The following DYNLRB2 variants were observed in gnomAD, a reference collection of about 807,000 sequenced individuals.
DYNLRB2 encodes the protein dynein light chain roadblock-type 2.
Under a neutral mutation model 12.6 loss-of-function variants are expected in DYNLRB2, and 14 were observed. The observed-to-expected ratio is 1.11, with a 90% CI of 0.73 to 1.73. DYNLRB2 has a LOEUF of 1.73. Among genes scored for constraint, DYNLRB2 ranks in the 40% most tolerant of loss-of-function variants. The probability of loss-of-function intolerance (pLI) is 0.00; values close to 1 mark genes in which losing one functional copy is unlikely to be tolerated. For missense variants in DYNLRB2, 142 were observed against 117.7 expected (o/e 1.21, Z -0.95); for synonymous variants, 53 against 37.0 (o/e 1.43, Z -1.57).
rs906706212 is a variant in DYNLRB2, at chr16:80,542,396, A to G, written c.4-880A>G. Among the ~76,000 whole-genome samples the G allele has an allele frequency of 2.0e-5, 3 of 152,200 alleles. 1 individual carries two copies. The highest frequency in any genetic ancestry group is 4.1e-4 in the South Asian group (2 of 4,826). ...TTGGCTCTGATGCTGAAATAGAGAA[A>G]ATAAGTGCTCCTGCCCATACCAAGT... On this transcript the variant is annotated intron_variant, in intron 1 of 3. Coordinates refer to ENST00000305904, the MANE Select transcript of DYNLRB2 (RefSeq NM_130897.3).
intron 2 of DYNLRB2, chr16:80,549,025 A>G: frequency 2.2e-6 from 1 of 455,878 alleles, no homozygotes; most frequent in Non-Finnish European, 4.4e-6. Flanking sequence ...AGTGCATTTC[A>G]TATAAAAATA....
chr16:80,548,190 A>G (rs1904600433), intron 2 of DYNLRB2: 2 of 168,246 alleles, frequency 1.2e-5, no homozygotes, highest in Admixed American at 1.2e-4. Flanking sequence ...TCCTCCTAAA[A>G]TAAAAGCACA....
chr16:80,546,471 T>A (rs28759267), intron 2 of DYNLRB2, among the ~76,000 whole-genome samples: 34,224 of 152,170 alleles, frequency 0.22, 4,027 homozygotes, highest in Middle Eastern at 0.3. Flanking sequence ...ATATGCCATT[T>A]TATATATAGT....
chr16:80,549,563 CA>C lies in DYNLRB2; in HGVS notation c.163del (p.Ser55AlafsTer12). ...TTCTTCATCACCTGACAATGAAAGC[CA>C]AAAGCACAGTTCGTGATATTGATCC... ...GLLHHLTMKA[K>X]STVRDIDPQN... On this transcript the variant is annotated frameshift_variant, in exon 3 of 4. Coordinates refer to ENST00000305904, the MANE Select transcript of DYNLRB2 (RefSeq NM_130897.3). LOFTEE classifies it high-confidence loss of function. The C allele has an allele frequency of 6.2e-7, 1 of 1,612,960 alleles. No individual in the cohort carries two copies.
chr16:80,548,771 G>C (rs1904644853), intron 2 of DYNLRB2, among the ~76,000 whole-genome samples: 1 of 150,722 alleles, frequency 6.6e-6, no homozygotes, highest in African/African-American at 2.4e-5. Context: ...AAATTTAATA[G>C]TGATAAAGCC....
At chr16:80,548,370 C>T (rs919609667) in intron 2 of DYNLRB2, among the ~76,000 whole-genome samples, 13 of 152,150 alleles carry the variant, frequency 8.5e-5, no homozygotes, top group Non-Finnish European at 4.4e-5. Context: ...TTGAATTACA[C>T]TTGCATATTC....
intron 2 of DYNLRB2, chr16:80,548,134 G>T: frequency 6.1e-6 from 1 of 164,058 alleles, no homozygotes; most frequent in South Asian, 1.4e-4. Flanking sequence ...CCCTTAATAC[G>T]GATACCTAAG....
chr16:80,548,554 T>A (rs553965532), intron 2 of DYNLRB2, among the ~76,000 whole-genome samples: 2 of 152,174 alleles, frequency 1.3e-5, no homozygotes, highest in East Asian at 3.9e-4. Context: ...AAACCCTGTC[T>A]CTACTAAAAA....
Position 80,541,053 on chromosome 16 carries a change from G to A in DYNLRB2, c.-24G>A, listed in dbSNP as rs551083473. On this transcript the variant is annotated 5_prime_UTR_variant, in exon 1 of 4. Coordinates refer to ENST00000305904, the MANE Select transcript of DYNLRB2 (RefSeq NM_130897.3). ...CCGGGAGGCTGTGCCGCCGGCCTGA[G>A]CCCAGAGTTTCGCGGCCTCCGCGAT... 4 of 1,607,972 alleles carry A rather than the reference G, an allele frequency of 2.5e-6. No individual in the cohort carries two copies. The highest frequency in any genetic ancestry group is 3.4e-5 in the Admixed American group (2 of 59,634).
At position 80,550,658 on chromosome 16, in the gene DYNLRB2, C is replaced by T. The variant is rs1316240757; in HGVS notation, c.*100C>T. 9.2e-6 allele frequency: 12 copies of T among 1,301,702 alleles called. No individual in the cohort carries two copies. Among genetic ancestry groups the T allele is most frequent in the Admixed American group, 1.7e-5 (1 of 58,208 alleles). The allele number at this position is 1,301,702 out of a possible 1,614,324, so 80.6% of individuals were successfully genotyped here. ...ATTTCAATCTAACTGACCCTTCAAACATTCTTTTCTATTTCTATATCTAAA... is the reference window on the plus strand; with the variant it reads ...ATTTCAATCTAACTGACCCTTCAAATATTCTTTTCTATTTCTATATCTAAA... On this transcript the variant is annotated 3_prime_UTR_variant, in exon 4 of 4. Coordinates refer to ENST00000305904, the MANE Select transcript of DYNLRB2 (RefSeq NM_130897.3).
chr16:80,547,676 G>C (rs965492842), intron 2 of DYNLRB2: 7 of 445,262 alleles, frequency 1.6e-5, no homozygotes, highest in Admixed American at 4.9e-5. Flanking sequence ...TCACTACTTA[G>C]GATGCAAAAT....
At chr16:80,546,323 C>T (rs961829246) in intron 2 of DYNLRB2, among the ~76,000 whole-genome samples, 7 of 152,196 alleles carry the variant, frequency 4.6e-5, no homozygotes, top group African/African-American at 1.7e-4. Context: ...AAATATTTAA[C>T]TAAGATGGTG....
At chr16:80,547,696 C>G (rs1254818593) in intron 2 of DYNLRB2, 3 of 452,034 alleles carry the variant, frequency 6.6e-6, no homozygotes, top group Non-Finnish European at 1.3e-5. Flanking sequence ...TAAAACTGCT[C>G]GTCAAAAAGT....
chr16:80,546,089 T>A (rs1179063628), intron 2 of DYNLRB2, among the ~76,000 whole-genome samples: 1 of 152,230 alleles, frequency 6.6e-6, no homozygotes. Context: ...TTAACCTTTT[T>A]TCCCTAAAAT....
chr16:80,544,850 C>CT (rs1221961611), intron 2 of DYNLRB2: 3 of 152,214 alleles, frequency 2.0e-5, no homozygotes, highest in African/African-American at 7.2e-5. Context: ...ACTCCGATCT[C>CT]TGCCGCCATC....
chr16:80,542,014 A>C (rs1037018663), intron 1 of DYNLRB2, among the ~76,000 whole-genome samples: 1 of 152,194 alleles, frequency 6.6e-6, no homozygotes, highest in Non-Finnish European at 1.5e-5. Context: ...CCTTCAGACT[A>C]CATACAGGAG....
rs991980792 is a variant in DYNLRB2, at chr16:80,549,269, T to C, written c.80-215T>C. Reference sequence around the variant, plus strand: ...AATTTTGTGAAGAAAAAAGCAACAGTCAAGTTTGTAAATATAGTTTCACAC... The same window carrying C: ...AATTTTGTGAAGAAAAAAGCAACAGCCAAGTTTGTAAATATAGTTTCACAC... On this transcript the variant is annotated intron_variant, in intron 2 of 3. Transcript: ENST00000305904. 6 of 487,806 alleles carry C rather than the reference T, an allele frequency of 1.2e-5. 1 individual carries two copies. Among genetic ancestry groups the C allele is most frequent in the Non-Finnish European group, 2.2e-5 (6 of 275,566 alleles). 30.2% of individuals were successfully genotyped at this position (487,806 alleles called of 1,614,324 possible).
intron 2 of DYNLRB2, chr16:80,548,835 C>G: frequency 2.4e-6 from 1 of 421,942 alleles, no homozygotes; most frequent in South Asian, 1.7e-5. Flanking sequence ...TCCTTATTAC[C>G]ACATTTTCTA....
intron 2 of DYNLRB2, chr16:80,548,793 C>G (rs1056362732): frequency 2.0e-4 from 63 of 313,260 alleles, no homozygotes; most frequent in African/African-American, 1.3e-3. Context: ...AAAATGGGTG[C>G]AAACCACGGA....
Sources: allele counts gnomAD v4.1 joint callset (sites outside exome capture counted in the v4.1 genomes callset), GRCh38; gene constraint gnomAD v4.1.1; transcripts MANE v1.5; gene names NCBI Gene and HGNC (gene_info 2026-07-23, HGNC 2026-07-21).